The following CTSS variants were observed in gnomAD, a reference collection of about 807,000 sequenced individuals.
CTSS encodes the protein cathepsin S.
CTSS carries 15 observed loss-of-function variants against 39.9 expected under a neutral mutation model. That is an observed-to-expected ratio of 0.38 (90% CI 0.25 to 0.58). CTSS has a LOEUF of 0.58. CTSS is among the 20% of genes least tolerant of loss of function. CTSS has a pLI of 0.70. For missense variants in CTSS, 250 were observed against 398.2 expected (o/e 0.63, Z 3.17); for synonymous variants, 126 against 138.2 (o/e 0.91, Z 0.62).
In CTSS at chr1:150,741,536, A is replaced by G. The variant is rs201915276; in HGVS notation, c.896+6241T>C. Among the ~76,000 whole-genome samples the G allele has an allele frequency of 2.6e-4, 39 of 152,268 alleles. No individual in the cohort carries two copies. In the East Asian group the frequency reaches 6.0e-3, roughly 23 times the overall value. On this transcript the variant is annotated intron_variant, in intron 7 of 7. Transcript: ENST00000368985. The stretch of plus-strand genomic sequence containing the variant: ...ATAAGTTGTGTATGAAAGTTTTCCC[A>G]TATTTAGGATTATTTTCTTCATATA...
rs1357660652 is a variant in CTSS, at chr1:150,730,271, CA to C, written c.*2774del. 3 of 152,096 alleles carry C rather than the reference CA, an allele frequency of 2.0e-5. No individual in the cohort carries two copies. Among genetic ancestry groups the C allele is most frequent in the Non-Finnish European group, 4.4e-5 (3 of 68,024 alleles). 9.4% of individuals were successfully genotyped at this position (152,096 alleles called of 1,614,324 possible). On this transcript the variant is annotated 3_prime_UTR_variant, in exon 8 of 8. Transcript: ENST00000368985. ...ATAAGGAAATAAAGGCCCAAAGAAA[CA>C]GTTGAACTTGAATGTTTTTTATAGT...
chr1:150,747,513 G>A (rs1242223551), intron 7 of CTSS, among the ~76,000 whole-genome samples: 1 of 151,990 alleles, frequency 6.6e-6, no homozygotes, highest in Non-Finnish European at 1.5e-5. Flanking sequence ...ATAGAGGAGA[G>A]GAATAGGTTC....
intron 7 of CTSS, among the ~76,000 whole-genome samples, chr1:150,740,418 C>G (rs190598917): frequency 9.2e-5 from 14 of 151,994 alleles, no homozygotes; most frequent in Non-Finnish European, 2.1e-4. Flanking sequence ...GAGTCTCGCT[C>G]TGTCACCCCG....
chr1:150,732,898 C>G lies in CTSS; in HGVS notation c.*148G>C, dbSNP rs1141835. The G allele has an allele frequency of 1.7e-6, 1 of 575,054 alleles. No homozygotes were observed. Among genetic ancestry groups the G allele is most frequent in the Non-Finnish European group, 2.9e-6 (1 of 341,816 alleles). 35.6% of individuals were successfully genotyped at this position (575,054 alleles called of 1,614,324 possible). ...TACTGGGATTACAGGCGTGAGCCAC[C>G]GTGCCCGGCCTCAAACTATATTTTC... On this transcript the variant is annotated 3_prime_UTR_variant, in exon 8 of 8. Coordinates refer to ENST00000368985, the MANE Select transcript of CTSS (RefSeq NM_004079.5).
At chr1:150,761,263 C>T (rs1275998918) in intron 2 of CTSS, among the ~76,000 whole-genome samples, 1 of 150,150 alleles carries the variant, frequency 6.7e-6, no homozygotes, top group Non-Finnish European at 1.5e-5. Flanking sequence ...AGTTGTAAGA[C>T]ACAAAGTCAA....
chr1:150,761,458 G>A (rs937968801), intron 2 of CTSS, among the ~76,000 whole-genome samples: 7 of 152,104 alleles, frequency 4.6e-5, no homozygotes, highest in East Asian at 1.9e-4. Flanking sequence ...TAGGCCGGGC[G>A]TGGTGGCTCA....
intron 6 of CTSS, among the ~76,000 whole-genome samples, chr1:150,748,699 G>T (rs1134067): frequency 0.38 from 57,193 of 151,106 alleles, 11,047 homozygotes; most frequent in South Asian, 0.54. Flanking sequence ...CTCCTGATTT[G>T]GCCTCCCAAA....
chr1:150,750,758 C>G (rs1652991149), intron 5 of CTSS, among the ~76,000 whole-genome samples: 1 of 152,088 alleles, frequency 6.6e-6, no homozygotes, highest in South Asian at 2.1e-4. Flanking sequence ...ACCTCAGCTT[C>G]CTGAGTAGCT....
At chr1:150,737,308 G>T (rs748561967) in intron 7 of CTSS, among the ~76,000 whole-genome samples, 1 of 152,044 alleles carries the variant, frequency 6.6e-6, no homozygotes, top group African/African-American at 2.4e-5. Flanking sequence ...CTCCATGTTG[G>T]CCAGGCTGGT....
chr1:150,760,601 G>T (rs1366957858), intron 2 of CTSS, among the ~76,000 whole-genome samples: 1 of 152,174 alleles, frequency 6.6e-6, no homozygotes, highest in Non-Finnish European at 1.5e-5. Flanking sequence ...CATATAGAAA[G>T]TCTTGGCCAG....
intron 3 of CTSS, among the ~76,000 whole-genome samples, chr1:150,757,448 C>T (rs369159378): frequency 6.6e-6 from 1 of 151,974 alleles, no homozygotes; most frequent in East Asian, 1.9e-4. Context: ...ATCTGAAAAC[C>T]AATAGGGGAT....
In CTSS at chr1:150,747,063, A is replaced by G. The variant is rs587597160; in HGVS notation, c.896+714T>C. Among the ~76,000 whole-genome samples, 3 of 152,306 alleles carry G rather than the reference A, an allele frequency of 2.0e-5. No individual in the cohort carries two copies. In the South Asian group the frequency reaches 6.2e-4, roughly 32 times the overall value. On this transcript the variant is annotated intron_variant, in intron 7 of 7. Transcript: ENST00000368985. ...AATAGTCCACACTAGAGATGCCTGAACTAGAGCCGTAATAGAAGAAACAGA... is the reference window on the plus strand; with the variant it reads ...AATAGTCCACACTAGAGATGCCTGAGCTAGAGCCGTAATAGAAGAAACAGA...
At chr1:150,752,168 A>G (rs1653021511) in intron 4 of CTSS, among the ~76,000 whole-genome samples, 160 bp from the exon 5 acceptor site, 1 of 152,194 alleles carries the variant, frequency 6.6e-6, no homozygotes, top group Non-Finnish European at 1.5e-5. Flanking sequence ...AATGGGAATG[A>G]AGACTAAATT....
intron 2 of CTSS, among the ~76,000 whole-genome samples, chr1:150,761,262 A>G (rs1439349102): frequency 6.6e-6 from 1 of 152,186 alleles, no homozygotes; most frequent in Non-Finnish European, 1.5e-5. Flanking sequence ...AAGTTGTAAG[A>G]CACAAAGTCA....
intron 7 of CTSS, among the ~76,000 whole-genome samples, chr1:150,738,555 C>T (rs982411526): frequency 6.7e-6 from 1 of 148,912 alleles, no homozygotes; most frequent in Non-Finnish European, 1.5e-5. Flanking sequence ...GTGGCACAAT[C>T]GCAGCTCACT....
intron 2 of CTSS, among the ~76,000 whole-genome samples, chr1:150,763,459 AT>A (rs1265249015): frequency 6.6e-6 from 1 of 152,214 alleles, no homozygotes; most frequent in African/African-American, 2.4e-5. Context: ...TCTTATCACA[AT>A]GAAAGGATAA....
At chr1:150,741,884 A>AGG (rs34826479) in intron 7 of CTSS, among the ~76,000 whole-genome samples, 11 of 147,898 alleles carry the variant, frequency 7.4e-5, no homozygotes, top group Admixed American at 6.9e-4. Context: ...CAAAAAAAAA[A>AGG]GGGGGGGGGA....
At position 150,731,527 on chromosome 1, in the gene CTSS, T is replaced by A. The variant is rs1023697517; in HGVS notation, c.*1519A>T. 6.6e-6 allele frequency: 1 copy of A among 152,372 alleles called. No individual in the cohort carries two copies. The highest frequency in any genetic ancestry group is 2.4e-5 in the African/African-American group (1 of 41,586). The allele number at this position is 152,372 out of a possible 1,614,324, so 9.4% of individuals were successfully genotyped here. Reference sequence around the variant, plus strand: ...AATTCTTGTTCCTTAAAATGTGCTTTATGGAGAAGGAGCCAGAGTTAGTGA... The same window carrying A: ...AATTCTTGTTCCTTAAAATGTGCTTAATGGAGAAGGAGCCAGAGTTAGTGA... On this transcript the variant is annotated 3_prime_UTR_variant, in exon 8 of 8. Coordinates refer to ENST00000368985, the MANE Select transcript of CTSS (RefSeq NM_004079.5).
At chr1:150,747,689 T>C in intron 7 of CTSS, 88 bp downstream of exon 7, 2 of 863,190 alleles carry the variant, frequency 2.3e-6, no homozygotes, top group South Asian at 3.0e-5. Context: ...ATCGTGATCA[T>C]AATGATCATC....
Sources: gnomAD v4.1 joint callset for allele counts (sites outside exome capture counted in the v4.1 genomes callset) on GRCh38, gnomAD v4.1.1 for gene constraint, MANE v1.5 for transcripts, NCBI Gene and HGNC (gene_info 2026-07-23, HGNC 2026-07-21) for gene names.